Variants in B4GALNT3 observed in about 807,000 individuals in gnomAD.
The protein encoded by B4GALNT3 is beta-1,4-N-acetyl-galactosaminyltransferase 3, also known as beta-1,4-N-acetylgalactosaminyltransferase 3.
A neutral mutation model predicts 120.2 loss-of-function variants in B4GALNT3; 86 were observed. The ratio of observed to expected loss-of-function variants is 0.72; its 90% CI spans 0.60 to 0.86. The LOEUF is 0.86. B4GALNT3 is among the 40% of genes least tolerant of loss of function. The pLI, the probability that B4GALNT3 is intolerant of heterozygous loss-of-function variation, is 0.00. For missense variants in B4GALNT3, 1,167 were observed against 1,298.9 expected (o/e 0.90, Z 1.56); for synonymous variants, 518 against 510.4 (o/e 1.01, Z -0.20).
chr12:540,373 G>A (rs761506315), intron 3 of B4GALNT3: 1 of 152,242 alleles, frequency 6.6e-6, no homozygotes, highest in Non-Finnish European at 1.5e-5. Context: ...GCTCCTCCAA[G>A]CGTTTGTTCA....
chr12:501,820 A>G (rs1284992782), intron 1 of B4GALNT3, among the ~76,000 whole-genome samples: 1 of 152,186 alleles, frequency 6.6e-6, no homozygotes, highest in Non-Finnish European at 1.5e-5. Flanking sequence ...TTAAGAGCTG[A>G]ATCTGGGAAC....
intron 19 of B4GALNT3, among the ~76,000 whole-genome samples, 168 bp downstream of exon 19, chr12:559,589 TCA>T (rs1947202142): frequency 6.6e-6 from 1 of 152,050 alleles, no homozygotes; most frequent in South Asian, 2.1e-4. Context: ...TCGCTGGGAC[TCA>T]GTTTCTCTAT....
chr12:511,602 CACCTTCG>C (rs151232809), intron 1 of B4GALNT3, among the ~76,000 whole-genome samples: 692 of 125,454 alleles, frequency 5.5e-3, no homozygotes, highest in Middle Eastern at 0.011. Context: ...TTCCGCCTTC[CACCTTCG>C]ACCTTCTTCC....
At chr12:544,570 C>A in intron 4 of B4GALNT3, 136 bp downstream of exon 4, 1 of 791,076 alleles carries the variant, frequency 1.3e-6, no homozygotes, top group East Asian at 2.6e-5. Context: ...TTTGTCTGCC[C>A]ATAATAGTTC....
At chr12:515,086 C>T (rs1946639203) in intron 1 of B4GALNT3, among the ~76,000 whole-genome samples, 1 of 152,200 alleles carries the variant, frequency 6.6e-6, no homozygotes, top group South Asian at 2.1e-4. Flanking sequence ...CCACAACTTA[C>T]TAGCCATGTG....
intron 1 of B4GALNT3, among the ~76,000 whole-genome samples, chr12:511,775 CCTT>C (rs1274219595): frequency 3.9e-4 from 41 of 106,318 alleles, no homozygotes; most frequent in African/African-American, 1.2e-3. Context: ...CCACCTTCCA[CCTT>C]CTTCCACCTT....
At chr12:510,054 C>T (rs559340391) in intron 1 of B4GALNT3, among the ~76,000 whole-genome samples, 14 of 152,196 alleles carry the variant, frequency 9.2e-5, no homozygotes, top group Non-Finnish European at 1.8e-4. Context: ...TGAAAGCTCA[C>T]AGGTCTTGGA....
At chr12:515,688 T>A (rs1946646352) in intron 1 of B4GALNT3, among the ~76,000 whole-genome samples, 1 of 152,174 alleles carries the variant, frequency 6.6e-6, no homozygotes, top group Non-Finnish European at 1.5e-5. Flanking sequence ...TATAGCTGTT[T>A]CACAGAGATG....
At chr12:516,713 G>A (rs993994507) in intron 1 of B4GALNT3, among the ~76,000 whole-genome samples, 1 of 152,214 alleles carries the variant, frequency 6.6e-6, no homozygotes, top group Non-Finnish European at 1.5e-5. Flanking sequence ...GATTTGGGAA[G>A]TCACTGGAAG....
In B4GALNT3 at chr12:561,495, GCAGTGGCTCCC is replaced by G; in HGVS notation, c.*48_*58del. ...GCCCAGCACTCCCCGCTCTGGACTA[GCAGTGGCTCCC>G]CAGGGCCCTGCTACTGTTCAGGGAT... On this transcript the variant is annotated 3_prime_UTR_variant, in exon 20 of 20. Coordinates refer to ENST00000266383, the MANE Select transcript of B4GALNT3 (RefSeq NM_173593.4). The G allele has an allele frequency of 6.8e-7, 1 of 1,468,662 alleles. No homozygotes were observed. The highest frequency in any genetic ancestry group is 9.4e-7 in the Non-Finnish European group (1 of 1,063,252). 91.0% of individuals were successfully genotyped at this position (1,468,662 alleles called of 1,614,324 possible). A position where few individuals can be genotyped will look rare whatever the true frequency, so the allele number is the denominator to read the frequency against.
intron 1 of B4GALNT3, among the ~76,000 whole-genome samples, chr12:480,489 C>T (rs215222): frequency 0.45 from 65,292 of 143,688 alleles, 14,930 homozygotes; most frequent in Middle Eastern, 0.56. Flanking sequence ...GGCCTGGTTC[C>T]TGAGGTCCCC....
chr12:503,079 A>T (rs1946460194), intron 1 of B4GALNT3, among the ~76,000 whole-genome samples: 1 of 152,148 alleles, frequency 6.6e-6, no homozygotes, highest in African/African-American at 2.4e-5. Context: ...TTGAGTAGGA[A>T]CTAGCAGCTA....
At position 511,353 on chromosome 12, in the gene B4GALNT3, A is replaced by ACCTT. The variant is rs1592031337; in HGVS notation, c.170-23810_170-23807dup. 3.3e-4 allele frequency among the ~76,000 whole-genome samples: 27 copies of ACCTT among 81,368 alleles called. No homozygotes were observed. In the East Asian group the frequency reaches 8.0e-3, roughly 24 times the overall value. The allele number at this position is 81,368 out of a possible 152,430, so 53.4% of individuals were successfully genotyped here. ...ACCTTCCACCTTCCTTCCACCTTCC[A>ACCTT]CCTTCCACCTTCAACCTTCCGCCTT... On this transcript the variant is annotated intron_variant, in intron 1 of 19. Transcript: ENST00000266383.
At chr12:536,657 C>A (rs933139253) in intron 3 of B4GALNT3, among the ~76,000 whole-genome samples, 3 of 152,148 alleles carry the variant, frequency 2.0e-5, no homozygotes, top group Admixed American at 2.0e-4. Flanking sequence ...TTAGTGATTT[C>A]ATGAAAATTT....
intron 1 of B4GALNT3, among the ~76,000 whole-genome samples, chr12:479,438 A>G (rs6489548): frequency 0.56 from 85,315 of 151,960 alleles, 24,126 homozygotes; most frequent in East Asian, 0.69. Flanking sequence ...TAGGGGCAGT[A>G]GGACTTTGAA....
At chr12:465,242 ATGC>A (rs1300470218) in intron 1 of B4GALNT3, among the ~76,000 whole-genome samples, 1 of 152,088 alleles carries the variant, frequency 6.6e-6, no homozygotes, top group Non-Finnish European at 1.5e-5. Context: ...ATCGCTCTTT[ATGC>A]TGATATTCCA....
intron 13 of B4GALNT3, 143 bp from the exon 14 acceptor site, chr12:553,051 A>C: frequency 1.6e-6 from 2 of 1,227,540 alleles, no homozygotes; most frequent in Non-Finnish European, 2.3e-6. Context: ...GCCCAGGGTC[A>C]CACAGTAAGC....
Position 562,815 on chromosome 12 carries a change from G to C in B4GALNT3, c.*1364G>C, listed in dbSNP as rs1476421024. 6.6e-6 allele frequency: 1 copy of C among 152,218 alleles called. No individual in the cohort carries two copies. Among genetic ancestry groups the C allele is most frequent in the Non-Finnish European group, 1.5e-5 (1 of 68,070 alleles). The allele number at this position is 152,218 out of a possible 1,614,324, so 9.4% of individuals were successfully genotyped here. A position where few individuals can be genotyped will look rare whatever the true frequency, so the allele number is the denominator to read the frequency against. On this transcript the variant is annotated 3_prime_UTR_variant, in exon 20 of 20. Coordinates refer to ENST00000266383, the MANE Select transcript of B4GALNT3 (RefSeq NM_173593.4). This position sits in a 1 kb window ranked among gnomAD's most constrained non-coding sequence, Gnocchi z 5.2. ...TTCACCCATGGTGCATTGGACACTGGATCTTGAACTCCAGAGTCTGTTTAG... is the reference window on the plus strand; with the variant it reads ...TTCACCCATGGTGCATTGGACACTGCATCTTGAACTCCAGAGTCTGTTTAG...
chr12:540,351 G>C (rs1260550292), intron 3 of B4GALNT3: 1 of 152,232 alleles, frequency 6.6e-6, no homozygotes, highest in Non-Finnish European at 1.5e-5. Context: ...GGAAGATACT[G>C]TTCTGGGCTT....
Sources: gnomAD v4.1 joint callset for allele counts (sites outside exome capture counted in the v4.1 genomes callset) on GRCh38, gnomAD v4.1.1 for gene constraint, Gnocchi (gnomAD v3.1) non-coding constraint, MANE v1.5 for transcripts, NCBI Gene and HGNC (gene_info 2026-07-23, HGNC 2026-07-21) for gene names.